The following DMXL2 variants were observed in gnomAD, a reference collection of about 807,000 sequenced individuals.
DMXL2 encodes dmX-like protein 2.
A neutral mutation model predicts 331.1 loss-of-function variants in DMXL2; 103 were observed. The ratio of observed to expected loss-of-function variants is 0.31; its 90% CI spans 0.27 to 0.37. The LOEUF is 0.37. DMXL2 is among the 10% of genes least tolerant of loss of function. The probability of loss-of-function intolerance (pLI) is 1.00; values close to 1 mark genes in which losing one functional copy is unlikely to be tolerated. For synonymous variants in DMXL2, 1,281 were observed against 1,252.1 expected (o/e 1.02, Z -0.49); for missense variants, 3,171 against 3,642.9 (o/e 0.87, Z 3.33).
At chr15:51,465,212 A>G (rs2040466489) in intron 31 of DMXL2, among the ~76,000 whole-genome samples, 1 of 152,156 alleles carries the variant, frequency 6.6e-6, no homozygotes. Flanking sequence ...CCTGGGTAAC[A>G]TGATGTAACT....
rs1299834463 is a variant in DMXL2 at position 51,538,270 on chromosome 15, C to A, written c.1288G>T (p.Asp430Tyr). 1 of 1,613,814 alleles carries A rather than the reference C, an allele frequency of 6.2e-7. No individual in the cohort carries two copies. Among genetic ancestry groups the A allele is most frequent in the Non-Finnish European group, 8.5e-7 (1 of 1,179,786 alleles). The change falls in exon 10 of 44, where the codon GAT becomes TAT. Residue 430 changes from aspartate to tyrosine, a missense_variant. By Grantham distance (160) the Asp-to-Tyr change is radical. Around this residue, in one of 7 missense-constraint regions of DMXL2, gnomAD observed 1,674 missense variants for 1,780.2 expected, o/e 0.94. Transcript: ENST00000560891. ...DHENDDADRE[D>Y]EEHSQEDRER... ...CTATCCTCCTGTGAATGTTCCTCAT[C>A]TTCTCTATCTGCATCATCATTTTCA...
At chr15:51,599,819 C>G (rs529777574) in intron 1 of DMXL2, among the ~76,000 whole-genome samples, 1 of 152,290 alleles carries the variant, frequency 6.6e-6, no homozygotes, top group South Asian at 2.1e-4. Flanking sequence ...TCTGCCTCAG[C>G]CTCCCAAGTA....
Position 51,495,062 on chromosome 15 carries a change from G to A in DMXL2, c.4745C>T (p.Ser1582Leu), listed in dbSNP as rs1032758488. Reference protein sequence around the residue: ...AMRLHTCLLTSLPPLYRVQLL... With the variant: ...AMRLHTCLLTLLPPLYRVQLL... ...CTGCACTCGGTATAAAGGAGGCAGC[G>A]ATGTCAAAAGGCATGTGTGTAGGCG... The change falls in exon 19 of 44, where the codon TCG becomes TTG. Residue 1582 changes from serine to leucine, a missense_variant. Ser to Leu is a moderately radical substitution (Grantham distance 145, BLOSUM62 -2). This residue lies in a region of DMXL2 where 252 missense variants were observed against 387.4 expected (regional missense o/e 0.65). Transcript: ENST00000560891. 1 of 1,613,358 alleles carries A rather than the reference G, an allele frequency of 6.2e-7. No homozygotes were observed.
chr15:51,563,294 G>A, intron 6 of DMXL2, 87 bp downstream of exon 6: 1 of 1,131,136 alleles, frequency 8.8e-7, no homozygotes, highest in Non-Finnish European at 1.3e-6. Context: ...CAGTTTTACA[G>A]ATGAGAAAAC....
At position 51,622,580 on chromosome 15, in the gene DMXL2, G is replaced by A; in HGVS notation, c.-35C>T. 2 of 1,537,968 alleles carry A rather than the reference G, an allele frequency of 1.3e-6. No individual in the cohort carries two copies. Among genetic ancestry groups the A allele is most frequent in the Non-Finnish European group, 1.8e-6 (2 of 1,139,336 alleles). On this transcript the variant is annotated 5_prime_UTR_variant, in exon 1 of 44. Coordinates refer to ENST00000560891, the MANE Select transcript of DMXL2 (RefSeq NM_001378457.1). Reference sequence around the variant, plus strand: ...CCGGGCTGGACAGAATGCGCGGGAGGTGCGACAAGCTCCGCGCCTGACCCT... The same window carrying A: ...CCGGGCTGGACAGAATGCGCGGGAGATGCGACAAGCTCCGCGCCTGACCCT...
chr15:51,544,716 C>G (rs926823050), intron 8 of DMXL2, among the ~76,000 whole-genome samples: 1 of 152,028 alleles, frequency 6.6e-6, no homozygotes, highest in African/African-American at 2.4e-5. Flanking sequence ...AGACTGTAAA[C>G]AAATTAAGTA....
chr15:51,507,110 C>G (rs1415394678), intron 16 of DMXL2, 24 bp downstream of exon 16: 21 of 1,530,502 alleles, frequency 1.4e-5, no homozygotes, highest in Middle Eastern at 1.9e-4. Context: ...TGTATCATCT[C>G]TGTATAAAAC....
chr15:51,477,317 C>T (rs773012426), intron 26 of DMXL2, among the ~76,000 whole-genome samples: 24 of 151,916 alleles, frequency 1.6e-4, no homozygotes, highest in Non-Finnish European at 2.8e-4. Context: ...AAATCATAGC[C>T]GACCAACTGG....
intron 37 of DMXL2, 22 bp from the exon 38 acceptor site, chr15:51,456,391 ATTTTAT>A (rs1175217029): frequency 3.4e-6 from 5 of 1,473,766 alleles, no homozygotes; most frequent in Non-Finnish European, 4.6e-6. Context: ...AATTTTAAAA[ATTTTAT>A]TTTGTGTATG....
Position 51,450,305 on chromosome 15 carries a change from C to T in DMXL2, c.8791G>A (p.Ala2931Thr). 6.2e-7 allele frequency: 1 copy of T among 1,613,952 alleles called. No homozygotes were observed. Among genetic ancestry groups the T allele is most frequent in the Non-Finnish European group, 8.5e-7 (1 of 1,179,972 alleles). ...GAGATTAGGAGTTGCTGTTTGGGTG[C>T]ATACTGCAGTACCGTGGCACCATGA... Reference protein sequence around the residue: ...HDHGATVLQYAPKQQLLISGG... With the variant: ...HDHGATVLQYTPKQQLLISGG... The change falls in exon 43 of 44, where the codon GCA (alanine) becomes ACA (threonine). Residue 2931 changes from alanine to threonine, a missense_variant. Coordinates refer to ENST00000560891, the MANE Select transcript of DMXL2 (RefSeq NM_001378457.1).
chr15:51,561,686 T>C (rs1269977521), intron 6 of DMXL2, among the ~76,000 whole-genome samples: 3 of 152,176 alleles, frequency 2.0e-5, no homozygotes, highest in Non-Finnish European at 4.4e-5. Flanking sequence ...AATGGGTATT[T>C]ATCCAAAAAA....
chr15:51,527,289 G>C (rs947547097), intron 13 of DMXL2, among the ~76,000 whole-genome samples: 3 of 152,044 alleles, frequency 2.0e-5, no homozygotes, highest in African/African-American at 4.8e-5. Context: ...AGTGTATCTA[G>C]TAAAAATATC....
intron 15 of DMXL2, among the ~76,000 whole-genome samples, chr15:51,511,878 A>G (rs1394710416): frequency 2.0e-5 from 3 of 152,224 alleles, no homozygotes; most frequent in African/African-American, 7.2e-5. Flanking sequence ...GGATGAGTTC[A>G]TGTCCTTTGC....
chr15:51,568,558 T>A lies in DMXL2; in HGVS notation c.214A>T (p.Ile72Phe). 1 of 1,566,496 alleles carries A rather than the reference T, an allele frequency of 6.4e-7. No homozygotes were observed. Among genetic ancestry groups the A allele is most frequent in the African/African-American group, 1.4e-5 (1 of 71,942 alleles). The stretch of plus-strand genomic sequence containing the variant: ...ACAGCATTACCATATGAAGCTGCAA[T>A]CTAAAAAAGAATAAATACAGCATTA... ...CVECSNQQGR[I>F]AASYGNAVCI... The change falls in exon 3 of 44, where the codon ATT (isoleucine) becomes TTT (phenylalanine). Residue 72 changes from isoleucine to phenylalanine, a missense_variant and splice_region_variant. Ile to Phe is a conservative substitution (Grantham distance 21, BLOSUM62 0). Coordinates refer to ENST00000560891, the MANE Select transcript of DMXL2 (RefSeq NM_001378457.1).
At chr15:51,453,735 C>A (rs866255949) in intron 40 of DMXL2, 94 bp from the exon 41 acceptor site, 7 of 980,208 alleles carry the variant, frequency 7.1e-6, no homozygotes, top group Middle Eastern at 2.1e-4. Context: ...ATACTATATG[C>A]ATGAGCTAAA....
chr15:51,579,282 T>C lies in DMXL2; in HGVS notation c.88-3101A>G, dbSNP rs77414612. Among the ~76,000 whole-genome samples the C allele has an allele frequency of 9.5e-3, 1,450 of 152,268 alleles. 18 individuals carry two copies. The highest frequency in any genetic ancestry group is 0.033 in the African/African-American group (1,380 of 41,546). ...ATAATAACCATGATTACTGCTAGAATGGAATCTCTTAAACTATTGCACACT... is the reference window on the plus strand; with the variant it reads ...ATAATAACCATGATTACTGCTAGAACGGAATCTCTTAAACTATTGCACACT... On this transcript the variant is annotated intron_variant, in intron 1 of 43. Transcript: ENST00000560891.
At position 51,456,103 on chromosome 15, in the gene DMXL2, C is replaced by T. The variant is rs2039594821; in HGVS notation, c.8489G>A (p.Arg2830Lys). The T allele has an allele frequency of 6.2e-7, 1 of 1,614,208 alleles. No individual in the cohort carries two copies. The change falls in exon 39 of 44, where the codon AGA becomes AAA. Residue 2830 changes from arginine to lysine, a missense_variant. Arg to Lys is a conservative substitution (Grantham distance 26). Coordinates refer to ENST00000560891, the MANE Select transcript of DMXL2 (RefSeq NM_001378457.1). ...TGAATTAAAATATAATCTAGTAACT[C>T]TTGCATTGCCAGCTTGACGAAAGCA... ...LVCFRQAGNA[R>K]VTRLYFNSQG...
chr15:51,455,057 A>T, intron 40 of DMXL2, 94 bp downstream of exon 40: 1 of 1,017,250 alleles, frequency 9.8e-7, no homozygotes, highest in South Asian at 1.3e-5. Flanking sequence ...TCCTTTTCCC[A>T]ATAGGACCAC....
chr15:51,616,659 C>T (rs553750923), intron 1 of DMXL2, among the ~76,000 whole-genome samples: 5 of 152,172 alleles, frequency 3.3e-5, no homozygotes, highest in Non-Finnish European at 5.9e-5. Flanking sequence ...GACAAATGGC[C>T]GGGTGCAGTG....
Sources: gnomAD v4.1 joint callset for allele counts (sites outside exome capture counted in the v4.1 genomes callset) on GRCh38, gnomAD v4.1.1 for gene constraint, gnomAD v4.1.1 regional missense constraint, MANE v1.5 for transcripts, NCBI Gene and HGNC (gene_info 2026-07-23, HGNC 2026-07-21) for gene names.